The following IGF2R variants were observed in gnomAD, a reference collection of about 807,000 sequenced individuals.
IGF2R encodes the protein cation-independent mannose-6-phosphate receptor.
Under a neutral mutation model 270.6 loss-of-function variants are expected in IGF2R, and 91 were observed. The ratio of observed to expected loss-of-function variants is 0.34; its 90% CI spans 0.28 to 0.40. The LOEUF (loss-of-function observed/expected upper bound fraction) is 0.40. IGF2R is among the 10% of genes least tolerant of loss of function. IGF2R has a pLI of 1.00. For missense variants in IGF2R, 2,805 were observed against 3,188.3 expected (o/e 0.88, Z 2.90); for synonymous variants, 1,316 against 1,258.9 (o/e 1.05, Z -0.96).
In IGF2R at chr6:160,108,619, C is replaced by A. The variant is rs914629091; in HGVS notation, c.*3535C>A. The A allele has an allele frequency of 6.6e-6, 1 of 151,494 alleles. No individual in the cohort carries two copies. Among genetic ancestry groups the A allele is most frequent in the Non-Finnish European group, 1.5e-5 (1 of 68,032 alleles). The allele number at this position is 151,494 out of a possible 1,614,324, so 9.4% of individuals were successfully genotyped here. On this transcript the variant is annotated 3_prime_UTR_variant, in exon 48 of 48. Transcript: ENST00000356956. ...GGTCTTTCTTTCCTTCGTTTCCTTC[C>A]TTTCATTCCTTTCCTTTCCTTCCTT...
intron 4 of IGF2R, among the ~76,000 whole-genome samples, chr6:160,018,901 G>A (rs1432942727): frequency 6.6e-6 from 1 of 151,922 alleles, no homozygotes; most frequent in African/African-American, 2.4e-5. Context: ...CACACTTCAA[G>A]GAACTAGAAA....
At chr6:160,068,135 A>T in intron 29 of IGF2R, 114 bp from the exon 30 acceptor site, 2 of 1,129,718 alleles carry the variant, frequency 1.8e-6, no homozygotes, top group Non-Finnish European at 2.6e-6. Flanking sequence ...GTCGAGTCTA[A>T]AGTTCTGTCA....
intron 4 of IGF2R, among the ~76,000 whole-genome samples, chr6:160,021,459 G>T (rs1386798959): frequency 1.9e-5 from 2 of 106,292 alleles, no homozygotes; most frequent in Non-Finnish European, 3.6e-5. Context: ...GGGGGGCGGG[G>T]GGAGGGATAG....
At chr6:160,072,266 C>T (rs1238988723) in intron 32 of IGF2R, among the ~76,000 whole-genome samples, 1 of 152,164 alleles carries the variant, frequency 6.6e-6, no homozygotes, top group African/African-American at 2.4e-5. Context: ...TCCATCCCTC[C>T]TGTCACTCTC....
intron 2 of IGF2R, chr6:160,003,507 A>G (rs1391627272): frequency 6.6e-6 from 1 of 152,218 alleles, no homozygotes; most frequent in African/African-American, 2.4e-5. Flanking sequence ...TATTGTGGCA[A>G]ATATGCTGGA....
At chr6:160,093,461 T>A in intron 44 of IGF2R, 2 of 463,946 alleles carry the variant, frequency 4.3e-6, no homozygotes, top group East Asian at 8.5e-5. Flanking sequence ...ATGAAGAGTT[T>A]GAGGAGATCA....
At chr6:160,019,957 C>A (rs1777395047) in intron 4 of IGF2R, among the ~76,000 whole-genome samples, 1 of 152,100 alleles carries the variant, frequency 6.6e-6, no homozygotes, top group African/African-American at 2.4e-5. Context: ...GAAGTCCTAC[C>A]TGGGGCAGTC....
chr6:159,982,084 G>A (rs571044448), intron 1 of IGF2R, among the ~76,000 whole-genome samples: 10 of 152,284 alleles, frequency 6.6e-5, no homozygotes, highest in South Asian at 4.1e-4. Flanking sequence ...CCTTCAGCTC[G>A]GGGTAGGAGT....
intron 29 of IGF2R, among the ~76,000 whole-genome samples, chr6:160,067,417 C>T (rs1778609772): frequency 6.6e-6 from 1 of 152,112 alleles, no homozygotes; most frequent in African/African-American, 2.4e-5. Flanking sequence ...TCAGCTCTTA[C>T]TTCCATCAAA....
chr6:160,097,967 A>C (rs990296435), intron 45 of IGF2R, among the ~76,000 whole-genome samples: 25 of 152,186 alleles, frequency 1.6e-4, no homozygotes, highest in African/African-American at 6.0e-4. Context: ...CAGCTTTTGA[A>C]TGTTTATGGT....
chr6:159,995,474 GTTAA>G (rs1219358827), intron 2 of IGF2R, among the ~76,000 whole-genome samples: 7 of 152,044 alleles, frequency 4.6e-5, no homozygotes, highest in African/African-American at 7.2e-5. Context: ...CTGTCATAGT[GTTAA>G]TTGTTAACTA....
rs140582388 is a variant in IGF2R at position 160,047,272 on chromosome 6, C to T, written c.2165C>T (p.Pro722Leu). 3.4e-4 allele frequency: 555 copies of T among 1,612,972 alleles called. 1 individual carries two copies. Among genetic ancestry groups the T allele is most frequent in the Non-Finnish European group, 4.4e-4 (523 of 1,179,838 alleles). ...GTPYNNERHT[P>L]RATLITFLCD... ...CCCTATAACAATGAAAGACACACACCGAGAGCTACGCTCATCACCTTTCTC... is the reference window on the plus strand; with the variant it reads ...CCCTATAACAATGAAAGACACACACTGAGAGCTACGCTCATCACCTTTCTC... The change falls in exon 16 of 48, where the codon CCG becomes CTG. Residue 722 changes from proline (P) to leucine (L), a missense_variant. Pro to Leu is a moderately conservative substitution (Grantham distance 98, BLOSUM62 -3). This residue lies in a region of IGF2R where 954 missense variants were observed against 981.1 expected (regional missense o/e 0.97). Coordinates refer to ENST00000356956, the MANE Select transcript of IGF2R (RefSeq NM_000876.4).
intron 22 of IGF2R, among the ~76,000 whole-genome samples, chr6:160,059,319 C>T (rs1054103589): frequency 2.0e-5 from 3 of 152,068 alleles, no homozygotes; most frequent in Non-Finnish European, 2.9e-5. Flanking sequence ...TCACATGGTC[C>T]GAAAATAATA....
At chr6:160,020,236 C>T (rs1301535051) in intron 4 of IGF2R, among the ~76,000 whole-genome samples, 1 of 149,232 alleles carries the variant, frequency 6.7e-6, no homozygotes, top group Non-Finnish European at 1.5e-5. Flanking sequence ...ACTAGAAATA[C>T]ATTTAGCCAA....
chr6:160,078,101 C>A, intron 36 of IGF2R, 100 bp from the exon 37 acceptor site: 1 of 1,157,650 alleles, frequency 8.6e-7, no homozygotes, highest in Middle Eastern at 2.4e-4. Context: ...TCTGAGAGGC[C>A]GCTGTGGGTT....
intron 1 of IGF2R, among the ~76,000 whole-genome samples, chr6:159,990,367 G>A (rs1273319963): frequency 4.6e-5 from 7 of 152,264 alleles, no homozygotes; most frequent in Non-Finnish European, 1.5e-5. Flanking sequence ...TCATGAGTGA[G>A]TTCTCACGAG....
chr6:160,035,164 C>T (rs978541128), intron 10 of IGF2R, among the ~76,000 whole-genome samples: 1 of 152,160 alleles, frequency 6.6e-6, no homozygotes, highest in Non-Finnish European at 1.5e-5. Context: ...ATCTGTTGAC[C>T]CCCAGGCTGT....
chr6:160,068,640 C>T lies in IGF2R; in HGVS notation c.4252+255C>T, dbSNP rs908859930. 5.3e-5 allele frequency among the ~76,000 whole-genome samples: 8 copies of T among 151,112 alleles called. No individual in the cohort carries two copies. In the Middle Eastern group the frequency reaches 0.022, roughly 417 times the overall value. ...GGCTGGCACTGGTGAGAGAGGACCT[C>T]CTCATGGGGTGGTGGTTGCAATGAA... On this transcript the variant is annotated intron_variant, in intron 30 of 47. Transcript: ENST00000356956.
At chr6:160,052,917 G>A (rs533894924) in intron 19 of IGF2R, among the ~76,000 whole-genome samples, 1 of 151,996 alleles carries the variant, frequency 6.6e-6, no homozygotes, top group Non-Finnish European at 1.5e-5. Flanking sequence ...CCTTACACCT[G>A]AGACAAAATT....
Sources: allele counts gnomAD v4.1 joint callset (sites outside exome capture counted in the v4.1 genomes callset), GRCh38; gene constraint gnomAD v4.1.1; regional missense constraint gnomAD v4.1.1; transcripts MANE v1.5; gene names NCBI Gene and HGNC (gene_info 2026-07-23, HGNC 2026-07-21).